LAMA2: variants seen among roughly 807,000 people sequenced by gnomAD.
LAMA2 encodes the protein laminin subunit alpha 2, also known as laminin subunit alpha-2.
A neutral mutation model predicts 364.8 loss-of-function variants in LAMA2; 269 were observed. The observed-to-expected ratio is 0.74, with a 90% CI of 0.67 to 0.82. The LOEUF is 0.82. LAMA2 is among the 40% of genes least tolerant of loss of function. The pLI is 0.00. For missense variants in LAMA2, 3,807 were observed against 3,873.2 expected (o/e 0.98, Z 0.45); for synonymous variants, 1,379 against 1,370.6 (o/e 1.01, Z -0.14).
chr6:129,197,599 C>G (rs1041926577), intron 12 of LAMA2, among the ~76,000 whole-genome samples: 1 of 152,204 alleles, frequency 6.6e-6, no homozygotes, highest in Non-Finnish European at 1.5e-5. Context: ...AGCTGTAACC[C>G]AGTCATCTTT....
At chr6:129,154,236 C>T (rs1778974552) in intron 7 of LAMA2, among the ~76,000 whole-genome samples, 1 of 152,062 alleles carries the variant, frequency 6.6e-6, no homozygotes, top group African/African-American at 2.4e-5. Flanking sequence ...CATGGTGAAG[C>T]CCCATCTCTA....
At chr6:129,149,274 G>A (rs952084741) in intron 7 of LAMA2, among the ~76,000 whole-genome samples, 178 bp downstream of exon 7, 39 of 152,132 alleles carry the variant, frequency 2.6e-4, no homozygotes, top group African/African-American at 6.3e-4. Context: ...TCTAAGAAAT[G>A]TAGCAGATGA....
intron 41 of LAMA2, 63 bp downstream of exon 41, chr6:129,427,917 T>C: frequency 2.1e-6 from 2 of 958,240 alleles, no homozygotes; most frequent in African/African-American, 1.6e-5. Flanking sequence ...TAAGATATTC[T>C]ATCACACTAT....
intron 1 of LAMA2, among the ~76,000 whole-genome samples, chr6:128,900,748 C>T (rs1351503526): frequency 6.6e-6 from 1 of 152,204 alleles, no homozygotes; most frequent in Non-Finnish European, 1.5e-5. Flanking sequence ...ACCTTCAAAG[C>T]TCATCACTTG....
rs1351665283 is a variant in LAMA2 at position 129,461,348 on chromosome 6, A to G, written c.6992+1024A>G. Reference sequence around the variant, plus strand: ...AGCCCCAAAATGTTATCCCTCTAAAAGTCTTAACTTCCAACTCTTTGTTTC... The same window carrying G: ...AGCCCCAAAATGTTATCCCTCTAAAGGTCTTAACTTCCAACTCTTTGTTTC... On this transcript the variant is annotated intron_variant, in intron 49 of 64. Transcript: ENST00000421865. Among the ~76,000 whole-genome samples, 3 of 152,098 alleles carry G rather than the reference A, an allele frequency of 2.0e-5. 1 individual carries two copies. Among genetic ancestry groups the G allele is most frequent in the Non-Finnish European group, 1.5e-5 (1 of 67,972 alleles).
chr6:129,504,200 G>T (rs1395380405), intron 60 of LAMA2, among the ~76,000 whole-genome samples: 4 of 152,156 alleles, frequency 2.6e-5, no homozygotes, highest in Non-Finnish European at 5.9e-5. Flanking sequence ...ATAAGAAAAG[G>T]AATCTTCATT....
intron 56 of LAMA2, among the ~76,000 whole-genome samples, chr6:129,487,056 C>T (rs1385265493): frequency 6.6e-6 from 1 of 152,194 alleles, no homozygotes; most frequent in Non-Finnish European, 1.5e-5. Flanking sequence ...GTCACAGATA[C>T]AGAGTGTGGC....
At chr6:129,375,935 C>G (rs1345919321) in intron 34 of LAMA2, among the ~76,000 whole-genome samples, 1 of 152,170 alleles carries the variant, frequency 6.6e-6, no homozygotes, top group African/African-American at 2.4e-5. Flanking sequence ...GCAGGTTGCC[C>G]TTCACTCTAC....
At chr6:129,441,796 T>A (rs991218938) in intron 43 of LAMA2, among the ~76,000 whole-genome samples, 1 of 152,014 alleles carries the variant, frequency 6.6e-6, no homozygotes, top group Non-Finnish European at 1.5e-5. Context: ...CTGGGCACCA[T>A]AGCAAGACCC....
intron 41 of LAMA2, among the ~76,000 whole-genome samples, chr6:129,433,240 T>C (rs1024850843): frequency 1.1e-4 from 12 of 109,978 alleles, no homozygotes; most frequent in African/African-American, 5.3e-4. Context: ...ATGCAGAAAA[T>C]TGGAGGGATT....
intron 40 of LAMA2, among the ~76,000 whole-genome samples, chr6:129,408,528 T>C (rs898137746): frequency 6.6e-6 from 1 of 152,072 alleles, no homozygotes; most frequent in Admixed American, 6.5e-5. Flanking sequence ...GGCAGAAACA[T>C]TGGGCGTAGG....
chr6:129,190,256 T>A lies in LAMA2; in HGVS notation c.1519T>A (p.Leu507Met), dbSNP rs1287786005. ...TCGTTGCAAATCCGGCTTCTTCAAT[T>A]TGCAAGAGGATAATTGGAAAGGCTG... The part of the protein sequence containing the change: ...CSRCKSGFFN[L>M]QEDNWKGCDE... The change falls in exon 11 of 65, where the codon TTG (leucine) becomes ATG (methionine). Residue 507 changes from leucine (L) to methionine (M), a missense_variant. This residue lies in a region of LAMA2 where 3,333 missense variants were observed against 3,345.7 expected (regional missense o/e 1.00). Coordinates refer to ENST00000421865, the MANE Select transcript of LAMA2 (RefSeq NM_000426.4). 2 of 1,613,764 alleles carry A rather than the reference T, an allele frequency of 1.2e-6. No individual in the cohort carries two copies. The highest frequency in any genetic ancestry group is 2.2e-5 in the South Asian group (2 of 91,082).
chr6:129,207,984 A>G (rs1334287277), intron 12 of LAMA2, among the ~76,000 whole-genome samples: 1 of 152,212 alleles, frequency 6.6e-6, no homozygotes, highest in East Asian at 1.9e-4. Context: ...AGGGTTTATT[A>G]TATAATAGTT....
At chr6:129,449,527 A>G (rs1298292121) in intron 45 of LAMA2, among the ~76,000 whole-genome samples, 2 of 152,252 alleles carry the variant, frequency 1.3e-5, no homozygotes, top group African/African-American at 4.8e-5. Flanking sequence ...CCCCCCTCCC[A>G]ACACTGTTGC....
At chr6:129,344,253 A>G (rs563501985) in intron 30 of LAMA2, among the ~76,000 whole-genome samples, 1 of 152,336 alleles carries the variant, frequency 6.6e-6, no homozygotes, top group South Asian at 2.1e-4. Flanking sequence ...GGCAAAAGAT[A>G]ATTAGAACCA....
intron 1 of LAMA2, among the ~76,000 whole-genome samples, chr6:128,992,589 G>A (rs538690863): frequency 1.2e-4 from 19 of 152,280 alleles, no homozygotes; most frequent in Non-Finnish European, 2.5e-4. Flanking sequence ...GGATGACAAG[G>A]TACAGGGCCC....
intron 1 of LAMA2, among the ~76,000 whole-genome samples, chr6:129,021,737 G>A: frequency 6.6e-6 from 1 of 152,192 alleles, no homozygotes; most frequent in East Asian, 1.9e-4. Flanking sequence ...GGACTTGTGG[G>A]TAAGGAAACA....
intron 1 of LAMA2, among the ~76,000 whole-genome samples, chr6:128,908,366 G>A (rs967735011): frequency 4.6e-5 from 7 of 151,804 alleles, no homozygotes; most frequent in African/African-American, 1.7e-4. Flanking sequence ...AGTCTTGGGA[G>A]AGTGTATGTG....
At position 129,271,094 on chromosome 6, in the gene LAMA2, A is replaced by T. The variant is rs187275142; in HGVS notation, c.2450+343A>T. Among the ~76,000 whole-genome samples the T allele has an allele frequency of 2.7e-3, 408 of 152,240 alleles. 3 individuals carry two copies. The highest frequency in any genetic ancestry group is 9.5e-3 in the African/African-American group (394 of 41,558). ...TACACACAGACACATACCCATCTTC[A>T]TACCTTAATAAAAGGATATAAATAC... On this transcript the variant is annotated intron_variant, in intron 17 of 64. Coordinates refer to ENST00000421865, the MANE Select transcript of LAMA2 (RefSeq NM_000426.4).
Sources: gnomAD v4.1 joint callset for allele counts (sites outside exome capture counted in the v4.1 genomes callset) on GRCh38, gnomAD v4.1.1 for gene constraint, gnomAD v4.1.1 regional missense constraint, MANE v1.5 for transcripts, NCBI Gene and HGNC (gene_info 2026-07-23, HGNC 2026-07-21) for gene names.